Variants in EPB41L4A observed in about 807,000 individuals in gnomAD.
EPB41L4A encodes erythrocyte membrane protein band 4.1 like 4A.
Under a neutral mutation model 108.6 loss-of-function variants are expected in EPB41L4A, and 100 were observed. The ratio of observed to expected loss-of-function variants is 0.92; its 90% CI spans 0.78 to 1.09. EPB41L4A has a LOEUF of 1.09. Among genes scored for constraint, EPB41L4A ranks in the 50% least tolerant of loss-of-function variants. The pLI is 0.00. For missense variants in EPB41L4A, 1,030 were observed against 842.7 expected (o/e 1.22, Z -2.75); for synonymous variants, 319 against 289.0 (o/e 1.10, Z -1.05).
Position 112,364,814 on chromosome 5 carries a change from C to T in EPB41L4A, c.99+54127G>A, listed in dbSNP as rs546940327. ...TAATTTGAATCTCTAAGAAGAATCT[C>T]TAAATCCAACCTCATTTCTTAAATT... On this transcript the variant is annotated intron_variant, in intron 1 of 22. Coordinates refer to ENST00000261486, the MANE Select transcript of EPB41L4A (RefSeq NM_022140.5). 5.9e-5 allele frequency among the ~76,000 whole-genome samples: 9 copies of T among 152,286 alleles called. No individual in the cohort carries two copies. In the South Asian group the frequency reaches 1.7e-3, roughly 28 times the overall value.
chr5:112,171,090 T>A (rs1760554800), intron 18 of EPB41L4A, 98 bp from the exon 19 acceptor site: 1 of 1,091,162 alleles, frequency 9.2e-7, no homozygotes, highest in African/African-American at 1.6e-5. Context: ...AGTTCTTATT[T>A]GCCAGCTGAG....
At chr5:112,299,752 G>A (rs1342291613) in intron 2 of EPB41L4A, among the ~76,000 whole-genome samples, 1 of 152,180 alleles carries the variant, frequency 6.6e-6, no homozygotes, top group Non-Finnish European at 1.5e-5. Flanking sequence ...TGCTGTCAGT[G>A]CAGTATTGAA....
intron 1 of EPB41L4A, among the ~76,000 whole-genome samples, chr5:112,394,601 A>T (rs1761200413): frequency 6.6e-6 from 1 of 152,236 alleles, no homozygotes; most frequent in Non-Finnish European, 1.5e-5. Context: ...GGACACAAAC[A>T]AATGGAAGAA....
Position 112,245,042 on chromosome 5 carries a change from G to T in EPB41L4A, c.796-4232C>A, listed in dbSNP as rs192777262. Among the ~76,000 whole-genome samples the T allele has an allele frequency of 3.3e-5, 5 of 151,158 alleles. No homozygotes were observed. The East Asian group carries it at 9.7e-4, about 29-fold the overall frequency. On this transcript the variant is annotated intron_variant, in intron 9 of 22. Coordinates refer to ENST00000261486, the MANE Select transcript of EPB41L4A (RefSeq NM_022140.5). ...AAAATGCTACCAACAGATTGACAGGGTTGCCACAAATCTTCAATTTGTAAA... is the reference window on the plus strand; with the variant it reads ...AAAATGCTACCAACAGATTGACAGGTTTGCCACAAATCTTCAATTTGTAAA...
At position 112,170,317 on chromosome 5, in the gene EPB41L4A, G is replaced by C; in HGVS notation, c.1723C>G (p.Pro575Ala). Reference sequence around the variant, plus strand: ...GGCACTCACTCTATTTTAGTGTATGGAATCTCTTTTAATTGTTCTTCGGAC... The same window carrying C: ...GGCACTCACTCTATTTTAGTGTATGCAATCTCTTTTAATTGTTCTTCGGAC... ...GLSEEQLKEI[P>A]YTKIETQGDP... The change falls in exon 20 of 23, where the codon CCA becomes GCA. Residue 575 changes from proline (P) to alanine (A), a missense_variant. Transcript: ENST00000261486. 6.2e-7 allele frequency: 1 copy of C among 1,613,390 alleles called. No individual in the cohort carries two copies.
chr5:112,293,645 C>A (rs1353731657), intron 2 of EPB41L4A, among the ~76,000 whole-genome samples: 1 of 152,148 alleles, frequency 6.6e-6, no homozygotes, highest in African/African-American at 2.4e-5. Context: ...GTGTCAAAAT[C>A]AACAAACTGA....
chr5:112,393,664 A>C (rs1761113831), intron 1 of EPB41L4A, among the ~76,000 whole-genome samples: 1 of 148,730 alleles, frequency 6.7e-6, no homozygotes, highest in East Asian at 1.9e-4. Flanking sequence ...CAGAGGTACA[A>C]GGAGGAGCTG....
chr5:112,381,402 A>G (rs1294825128), intron 1 of EPB41L4A, among the ~76,000 whole-genome samples: 1 of 152,192 alleles, frequency 6.6e-6, no homozygotes, highest in African/African-American at 2.4e-5. Flanking sequence ...GGTTTTATAA[A>G]TGAGGCTTAG....
chr5:112,151,595 A>G (rs950256650), intron 12 of EPB41L4A, among the ~76,000 whole-genome samples: 12 of 151,840 alleles, frequency 7.9e-5, no homozygotes, highest in Non-Finnish European at 1.6e-4. Flanking sequence ...TCTTGTAGAG[A>G]TGGGGTTTCA....
At chr5:112,364,758 T>C (rs1759018960) in intron 1 of EPB41L4A, among the ~76,000 whole-genome samples, 1 of 152,226 alleles carries the variant, frequency 6.6e-6, no homozygotes, top group Admixed American at 6.5e-5. Flanking sequence ...GTACTGCAAA[T>C]AAGTTTACAG....
intron 2 of EPB41L4A, among the ~76,000 whole-genome samples, chr5:112,299,963 T>C (rs1404470369): frequency 6.6e-6 from 1 of 152,036 alleles, no homozygotes; most frequent in African/African-American, 2.4e-5. Flanking sequence ...GACTGACATA[T>C]GCCTGCTTGT....
chr5:112,351,291 C>T (rs1935938658), intron 1 of EPB41L4A, among the ~76,000 whole-genome samples: 1 of 152,080 alleles, frequency 6.6e-6, no homozygotes, highest in Non-Finnish European at 1.5e-5. Flanking sequence ...GGAGACATTA[C>T]AACTGATAGC....
At chr5:112,209,167 T>C (rs572396684) in intron 13 of EPB41L4A, among the ~76,000 whole-genome samples, 1 of 152,332 alleles carries the variant, frequency 6.6e-6, no homozygotes, top group Non-Finnish European at 1.5e-5. Context: ...AGGTCACATA[T>C]CTCTGATTGC....
At chr5:112,198,478 C>T (rs1217932450) in intron 15 of EPB41L4A, among the ~76,000 whole-genome samples, 1 of 152,180 alleles carries the variant, frequency 6.6e-6, no homozygotes, top group Middle Eastern at 3.2e-3. Flanking sequence ...ATGAATCTAA[C>T]TTTTCAACCG....
At chr5:112,193,195 T>C (rs1469416637) in intron 17 of EPB41L4A, among the ~76,000 whole-genome samples, 4 of 152,230 alleles carry the variant, frequency 2.6e-5, no homozygotes, top group African/African-American at 7.2e-5. Context: ...GCTTTGTAGT[T>C]AGAGGATCAC....
At chr5:112,256,110 G>A (rs1751068755) in intron 9 of EPB41L4A, among the ~76,000 whole-genome samples, 1 of 152,092 alleles carries the variant, frequency 6.6e-6, no homozygotes, top group Non-Finnish European at 1.5e-5. Context: ...CTCTTGCCTG[G>A]ATTTTGAAAT....
chr5:112,360,838 GC>G (rs1437940258), intron 1 of EPB41L4A, among the ~76,000 whole-genome samples: 5 of 151,606 alleles, frequency 3.3e-5, no homozygotes, highest in Non-Finnish European at 7.4e-5. Flanking sequence ...GAGCGCCTCT[GC>G]CCCGCCACTC....
At chr5:112,405,930 C>T (rs1762047258) in intron 1 of EPB41L4A, among the ~76,000 whole-genome samples, 1 of 152,192 alleles carries the variant, frequency 6.6e-6, no homozygotes, top group Non-Finnish European at 1.5e-5. Flanking sequence ...CTGGATGCTA[C>T]TAGGTACACA....
chr5:112,276,036 C>A (rs554215645), intron 3 of EPB41L4A, among the ~76,000 whole-genome samples: 2 of 152,136 alleles, frequency 1.3e-5, no homozygotes, highest in African/African-American at 4.8e-5. Flanking sequence ...TACTAAATGG[C>A]AAACTCTGGG....
Sources: allele counts gnomAD v4.1 joint callset (sites outside exome capture counted in the v4.1 genomes callset), GRCh38; gene constraint gnomAD v4.1.1; transcripts MANE v1.5; gene names NCBI Gene and HGNC (gene_info 2026-07-23, HGNC 2026-07-21).